Variants in TFDP2 observed in about 807,000 individuals in gnomAD.
The protein encoded by TFDP2 is transcription factor Dp-2 (E2F dimerization partner 2).
TFDP2 carries 17 observed loss-of-function variants against 59.3 expected under a neutral mutation model. That is an observed-to-expected ratio of 0.29 (90% CI 0.20 to 0.43). The LOEUF (loss-of-function observed/expected upper bound fraction) is 0.43. Among genes scored for constraint, TFDP2 ranks in the 20% least tolerant of loss-of-function variants. The pLI, the probability that TFDP2 is intolerant of heterozygous loss-of-function variation, is 1.00. For synonymous variants in TFDP2, 180 were observed against 194.7 expected (o/e 0.92, Z 0.63); for missense variants, 391 against 528.8 (o/e 0.74, Z 2.56).
intron 3 of TFDP2, among the ~76,000 whole-genome samples, chr3:142,013,893 T>C (rs1944916557): frequency 6.6e-6 from 1 of 152,152 alleles, no homozygotes; most frequent in South Asian, 2.1e-4. Flanking sequence ...ATGATGCTAA[T>C]ATAACTTTTT....
At chr3:141,957,007 T>C (rs926880991) in intron 11 of TFDP2, among the ~76,000 whole-genome samples, 3 of 134,016 alleles carry the variant, frequency 2.2e-5, no homozygotes, top group Admixed American at 8.7e-5. Context: ...ATTCAAAAGA[T>C]GTATAGTGAC....
chr3:141,951,326 AAAC>A lies in TFDP2; in HGVS notation c.*1184_*1186del, dbSNP rs555293576. The A allele has an allele frequency of 7.5e-4, 114 of 152,342 alleles. 1 individual carries two copies. Among genetic ancestry groups the A allele is most frequent in the African/African-American group, 2.6e-3 (110 of 41,580 alleles). 9.4% of individuals were successfully genotyped at this position (152,342 alleles called of 1,614,324 possible). ...TATTTCTAATGACATCTTGAGCCAT[AAAC>A]AACATAACTGCACTACCATATATCC... On this transcript the variant is annotated 3_prime_UTR_variant, in exon 13 of 13. Transcript: ENST00000489671.
intron 3 of TFDP2, among the ~76,000 whole-genome samples, chr3:142,072,237 G>C (rs1385067804): frequency 6.6e-6 from 1 of 152,152 alleles, no homozygotes; most frequent in Non-Finnish European, 1.5e-5. Context: ...CACATTCTAT[G>C]AGCAACCTAC....
chr3:142,008,585 T>A (rs958147277), intron 3 of TFDP2, among the ~76,000 whole-genome samples: 1 of 152,204 alleles, frequency 6.6e-6, no homozygotes, highest in African/African-American at 2.4e-5. Context: ...CCTTCTCTAC[T>A]GAGCCAACTC....
At chr3:142,070,428 C>A (rs1026138424) in intron 3 of TFDP2, among the ~76,000 whole-genome samples, 1 of 152,192 alleles carries the variant, frequency 6.6e-6, no homozygotes, top group African/African-American at 2.4e-5. Flanking sequence ...CAGATGCATG[C>A]CACCAAGCCT....
chr3:141,978,301 C>T (rs1243238564), intron 7 of TFDP2, among the ~76,000 whole-genome samples: 6 of 151,530 alleles, frequency 4.0e-5, no homozygotes, highest in African/African-American at 9.7e-5. Flanking sequence ...GCCGAGATCG[C>T]GCCACTGAAC....
At chr3:142,103,794 T>C (rs1055182633) in intron 1 of TFDP2, among the ~76,000 whole-genome samples, 1 of 152,086 alleles carries the variant, frequency 6.6e-6, no homozygotes, top group African/African-American at 2.4e-5. Context: ...AGATCATAAA[T>C]AATGGGTGTT....
At position 141,999,516 on chromosome 3, in the gene TFDP2, A is replaced by C. The variant is rs180736826; in HGVS notation, c.187-4375T>G. On this transcript the variant is annotated intron_variant, in intron 4 of 12. Coordinates refer to ENST00000489671, the MANE Select transcript of TFDP2 (RefSeq NM_001178139.2). ...CTGTATAAATAATCTTAAGATCTATAACATATAACCATAAGACAGCCTGTA... is the reference window on the plus strand; with the variant it reads ...CTGTATAAATAATCTTAAGATCTATCACATATAACCATAAGACAGCCTGTA... 3.3e-5 allele frequency among the ~76,000 whole-genome samples: 5 copies of C among 152,298 alleles called. No individual in the cohort carries two copies. In the East Asian group the frequency reaches 9.7e-4, roughly 29 times the overall value.
At chr3:142,058,514 T>C (rs1251378566) in intron 3 of TFDP2, among the ~76,000 whole-genome samples, 1 of 152,144 alleles carries the variant, frequency 6.6e-6, no homozygotes, top group East Asian at 1.9e-4. Flanking sequence ...CTACTCCCAT[T>C]TCTGCCTACA....
At chr3:142,138,285 G>A (rs1347608041) in intron 1 of TFDP2, among the ~76,000 whole-genome samples, 4 of 151,820 alleles carry the variant, frequency 2.6e-5, no homozygotes, top group East Asian at 1.9e-4. Flanking sequence ...TCTTGCTAGC[G>A]GTCTATCAAT....
intron 6 of TFDP2, among the ~76,000 whole-genome samples, chr3:141,988,696 G>A (rs1942418082): frequency 7.5e-6 from 1 of 132,746 alleles, no homozygotes; most frequent in African/African-American, 2.7e-5. Context: ...TTGAGATGGA[G>A]TCTCACTCTG....
chr3:142,149,099 G>A (rs1877048), intron 1 of TFDP2, 84 bp downstream of exon 1: 4,430 of 396,968 alleles, frequency 0.011, 190 homozygotes, highest in African/African-American at 0.082. Flanking sequence ...CCTGTGCGCA[G>A]GGAGGGAAAC....
chr3:142,083,954 C>A (rs1397893398), intron 3 of TFDP2, among the ~76,000 whole-genome samples: 27 of 152,138 alleles, frequency 1.8e-4, no homozygotes, highest in Admixed American at 1.8e-3. Flanking sequence ...GCAAGAATTT[C>A]TTGAGCAGGA....
At chr3:142,092,082 A>C (rs1235214383) in intron 3 of TFDP2, among the ~76,000 whole-genome samples, 2 of 152,236 alleles carry the variant, frequency 1.3e-5, no homozygotes, top group African/African-American at 4.8e-5. Context: ...GGAATAATGA[A>C]ACCCCACAGA....
chr3:141,954,526 A>G (rs1936326461), intron 11 of TFDP2, among the ~76,000 whole-genome samples: 1 of 151,894 alleles, frequency 6.6e-6, no homozygotes, highest in African/African-American at 2.4e-5. Context: ...AATCCCAGCT[A>G]CTAGAGAGAC....
chr3:141,974,950 C>G (rs190910416), intron 7 of TFDP2, among the ~76,000 whole-genome samples: 2 of 126,768 alleles, frequency 1.6e-5, no homozygotes, highest in Non-Finnish European at 3.1e-5. Flanking sequence ...GTCTCGCTCT[C>G]TCGCCCACAC....
At chr3:142,133,216 G>C (rs2062581699) in intron 1 of TFDP2, among the ~76,000 whole-genome samples, 1 of 149,860 alleles carries the variant, frequency 6.7e-6, no homozygotes, top group Non-Finnish European at 1.5e-5. Flanking sequence ...TCAAATACAA[G>C]TATTTTTTGA....
intron 3 of TFDP2, among the ~76,000 whole-genome samples, chr3:142,018,404 C>T (rs1283512905): frequency 1.3e-5 from 2 of 152,096 alleles, no homozygotes; most frequent in Admixed American, 1.3e-4. Context: ...GTGTATTTCT[C>T]CCTTTAGAAA....
At chr3:142,142,666 A>C (rs1443345027) in intron 1 of TFDP2, among the ~76,000 whole-genome samples, 1 of 152,234 alleles carries the variant, frequency 6.6e-6, no homozygotes, top group Non-Finnish European at 1.5e-5. Context: ...AGCAAAAAGA[A>C]CAAAACTGGA....
Sources: gnomAD v4.1 joint callset for allele counts (sites outside exome capture counted in the v4.1 genomes callset) on GRCh38, gnomAD v4.1.1 for gene constraint, MANE v1.5 for transcripts, NCBI Gene and HGNC (gene_info 2026-07-23, HGNC 2026-07-21) for gene names.